The following EFCAB11 variants were observed in gnomAD, a reference collection of about 807,000 sequenced individuals.
EFCAB11 encodes EF-hand calcium binding domain 11, also known as EF-hand calcium-binding domain-containing protein 11.
In EFCAB11, 14 loss-of-function variants were observed where a neutral mutation model predicts 23.0. The observed-to-expected ratio is 0.61, with a 90% CI of 0.40 to 0.95. The LOEUF (loss-of-function observed/expected upper bound fraction) is 0.95, where lower values mean the gene tolerates loss of function less well. Among genes scored for constraint, EFCAB11 ranks in the 40% least tolerant of loss-of-function variants. The pLI, the probability that EFCAB11 is intolerant of heterozygous loss-of-function variation, is 0.00. For synonymous variants in EFCAB11, 65 were observed against 66.6 expected, an observed-to-expected ratio of 0.98 and a Z score of 0.11; for missense variants, 198 against 195.8, an observed-to-expected ratio of 1.01 and a Z score of -0.07.
At position 89,866,827 on chromosome 14, in the gene EFCAB11, G is replaced by C. The variant is rs1425358821; in HGVS notation, c.410+64714C>G. Among the ~76,000 whole-genome samples, 4 of 151,986 alleles carry C rather than the reference G, an allele frequency of 2.6e-5. No individual in the cohort carries two copies. In the East Asian group the frequency reaches 7.7e-4, roughly 29 times the overall value. Reference sequence around the variant, plus strand: ...CTTTTTTTTATTTTTATTTTTTTGAGAGTCTCACTCTGTTGCCCAGGCTGG... The same window carrying C: ...CTTTTTTTTATTTTTATTTTTTTGACAGTCTCACTCTGTTGCCCAGGCTGG... On this transcript the variant is annotated intron_variant, in intron 5 of 5. Coordinates refer to ENST00000316738, the MANE Select transcript of EFCAB11 (RefSeq NM_145231.4).
Position 89,950,088 on chromosome 14 carries a change from T to C in EFCAB11, c.217+9A>G, listed in dbSNP as rs377273315. ...AGGTACTAAAAATTAATATTAACTT[T>C]CATATTACCAGAAGTATTTGGATTT... On this transcript the variant is annotated intron_variant, in intron 3 of 5. Transcript: ENST00000316738. 7.8e-6 allele frequency: 12 copies of C among 1,545,450 alleles called. No individual in the cohort carries two copies. Among genetic ancestry groups the C allele is most frequent in the Admixed American group, 5.3e-5 (3 of 56,602 alleles).
intron 5 of EFCAB11, among the ~76,000 whole-genome samples, chr14:89,837,365 T>C (rs1475085191): frequency 6.6e-6 from 1 of 152,068 alleles, no homozygotes; most frequent in African/African-American, 2.4e-5. Context: ...TTCTTTCCTG[T>C]AGCCTCCCTG....
intron 5 of EFCAB11, among the ~76,000 whole-genome samples, chr14:89,829,275 G>A (rs762029929): frequency 6.6e-6 from 1 of 152,158 alleles, no homozygotes; most frequent in Non-Finnish European, 1.5e-5. Flanking sequence ...CTCATGAGGA[G>A]GTCCTGCTAT....
At chr14:89,829,328 T>A (rs1170271098) in intron 5 of EFCAB11, among the ~76,000 whole-genome samples, 1 of 152,208 alleles carries the variant, frequency 6.6e-6, no homozygotes, top group Non-Finnish European at 1.5e-5. Context: ...CTTAATGTTG[T>A]ACTAAAAATT....
chr14:89,886,741 A>C (rs1888798440), intron 5 of EFCAB11, among the ~76,000 whole-genome samples: 1 of 152,200 alleles, frequency 6.6e-6, no homozygotes, highest in Non-Finnish European at 1.5e-5. Flanking sequence ...GGACACAAAG[A>C]GATCAAAGTA....
chr14:89,922,722 T>C (rs1456210763), intron 5 of EFCAB11, among the ~76,000 whole-genome samples: 2 of 152,152 alleles, frequency 1.3e-5, no homozygotes, highest in African/African-American at 4.8e-5. Context: ...GGGAGTGTGA[T>C]GATGAATACC....
chr14:89,813,067 C>T (rs921793007), intron 5 of EFCAB11, among the ~76,000 whole-genome samples: 2 of 152,022 alleles, frequency 1.3e-5, no homozygotes, highest in African/African-American at 4.8e-5. Context: ...ACAGAAAAGG[C>T]TAATAAACAT....
In EFCAB11 at chr14:89,939,940, T is replaced by C. The variant is rs1185935354; in HGVS notation, c.218-7313A>G. Among the ~76,000 whole-genome samples, 2 of 152,190 alleles carry C rather than the reference T, an allele frequency of 1.3e-5. 1 individual carries two copies. The highest frequency in any genetic ancestry group is 2.9e-5 in the Non-Finnish European group (2 of 68,020). On this transcript the variant is annotated intron_variant, in intron 3 of 5. Coordinates refer to ENST00000316738, the MANE Select transcript of EFCAB11 (RefSeq NM_145231.4). ...TTTTAATAGAGACAGTGTTTCACCA[T>C]GTTGGCCAGGCTGGTCTTGAACTCC...
chr14:89,825,980 G>A (rs1886678090), intron 5 of EFCAB11, among the ~76,000 whole-genome samples: 1 of 152,148 alleles, frequency 6.6e-6, no homozygotes, highest in African/African-American at 2.4e-5. Flanking sequence ...AGGTATTGGA[G>A]CAGGGTCCTG....
chr14:89,851,154 A>T (rs1160440402), intron 5 of EFCAB11, among the ~76,000 whole-genome samples: 1 of 152,236 alleles, frequency 6.6e-6, no homozygotes, highest in Non-Finnish European at 1.5e-5. Flanking sequence ...CTTACCCTCT[A>T]TCCAGCCATT....
intron 5 of EFCAB11, among the ~76,000 whole-genome samples, chr14:89,858,698 C>T (rs1351849845): frequency 6.8e-6 from 1 of 147,804 alleles, no homozygotes; most frequent in East Asian, 2.0e-4. Context: ...CAGGGTCTCC[C>T]TATGTTGCCC....
chr14:89,934,423 G>C (rs181637108), intron 3 of EFCAB11, among the ~76,000 whole-genome samples: 12 of 152,274 alleles, frequency 7.9e-5, no homozygotes, highest in Admixed American at 1.3e-4. Context: ...CTGGCTTGAA[G>C]AGCTACTTAA....
intron 1 of EFCAB11, chr14:89,954,375 A>G (rs1891348919): frequency 6.5e-7 from 1 of 1,536,074 alleles, no homozygotes. Flanking sequence ...CTATATAGAG[A>G]GAAAGGAGAT....
intron 5 of EFCAB11, among the ~76,000 whole-genome samples, chr14:89,910,269 G>A (rs1216157265): frequency 1.3e-5 from 2 of 152,170 alleles, no homozygotes; most frequent in African/African-American, 2.4e-5. Context: ...GTGAGGTGAA[G>A]GCCACACATA....
At chr14:89,872,226 C>T (rs887523269) in intron 5 of EFCAB11, among the ~76,000 whole-genome samples, 17 of 152,166 alleles carry the variant, frequency 1.1e-4, no homozygotes, top group African/African-American at 4.1e-4. Flanking sequence ...TTGCTATTTG[C>T]CATGTTTCCT....
At chr14:89,828,781 A>G (rs1886790830) in intron 5 of EFCAB11, among the ~76,000 whole-genome samples, 1 of 152,232 alleles carries the variant, frequency 6.6e-6, no homozygotes, top group Non-Finnish European at 1.5e-5. Context: ...GAAGCAGTTC[A>G]GCTTGCCAAA....
intron 3 of EFCAB11, among the ~76,000 whole-genome samples, chr14:89,942,751 A>G (rs1209733228): frequency 2.0e-5 from 3 of 152,136 alleles, no homozygotes; most frequent in Non-Finnish European, 4.4e-5. Flanking sequence ...CATCATTAGC[A>G]CCTTTCTGCT....
intron 5 of EFCAB11, among the ~76,000 whole-genome samples, chr14:89,930,359 TC>T (rs1390279220): frequency 1.3e-5 from 2 of 152,176 alleles, no homozygotes; most frequent in African/African-American, 4.8e-5. Flanking sequence ...CTGCCAGATG[TC>T]CCCCAATATC....
chr14:89,801,669 A>T (rs8009430), intron 5 of EFCAB11, among the ~76,000 whole-genome samples: 132,825 of 151,946 alleles, frequency 0.87, 58,352 homozygotes, highest in Middle Eastern at 0.92. Context: ...TCAAATTTGT[A>T]AAAGTAAAAA....
Sources: gnomAD v4.1 joint callset for allele counts (sites outside exome capture counted in the v4.1 genomes callset) on GRCh38, gnomAD v4.1.1 for gene constraint, MANE v1.5 for transcripts, NCBI Gene and HGNC (gene_info 2026-07-23, HGNC 2026-07-21) for gene names.